Variants in GSTCD observed in about 807,000 individuals in gnomAD.
GSTCD encodes glutathione S-transferase C-terminal domain containing.
A neutral mutation model predicts 68.3 loss-of-function variants in GSTCD; 44 were observed. The ratio of observed to expected loss-of-function variants is 0.64; its 90% CI spans 0.51 to 0.83. The LOEUF (loss-of-function observed/expected upper bound fraction) is 0.83. GSTCD is among the 40% of genes least tolerant of loss of function. GSTCD has a pLI of 0.00. For synonymous variants in GSTCD, 273 were observed against 255.2 expected (o/e 1.07, Z -0.67); for missense variants, 739 against 735.9 (o/e 1.00, Z -0.05).
intron 5 of GSTCD, among the ~76,000 whole-genome samples, chr4:105,781,836 G>T (rs1415676028): frequency 6.7e-6 from 1 of 149,626 alleles, no homozygotes; most frequent in East Asian, 1.9e-4. Context: ...ATGCGGGTTT[G>T]GATGAAGCAC....
At chr4:105,758,369 G>A (rs899437027) in intron 5 of GSTCD, among the ~76,000 whole-genome samples, 3 of 152,158 alleles carry the variant, frequency 2.0e-5, no homozygotes, top group Admixed American at 6.5e-5. Flanking sequence ...GGTGGGAGGC[G>A]TTTGGGTCAT....
intron 5 of GSTCD, among the ~76,000 whole-genome samples, chr4:105,734,562 T>C (rs150242701): frequency 0.054 from 8,173 of 152,284 alleles, 251 homozygotes; most frequent in Middle Eastern, 0.14. Flanking sequence ...ACTTCTCTAC[T>C]CTGGTTATTC....
At chr4:105,760,130 T>G (rs1377054809) in intron 5 of GSTCD, among the ~76,000 whole-genome samples, 3 of 142,782 alleles carry the variant, frequency 2.1e-5, no homozygotes, top group Non-Finnish European at 4.5e-5. Context: ...GTTAATGACA[T>G]GAACATTTGG....
intron 5 of GSTCD, among the ~76,000 whole-genome samples, chr4:105,735,336 C>T (rs966565593): frequency 5.9e-5 from 9 of 152,182 alleles, no homozygotes; most frequent in Non-Finnish European, 4.4e-5. Flanking sequence ...GTTCAAGCTT[C>T]CAGGCCGCTT....
intron 5 of GSTCD, among the ~76,000 whole-genome samples, chr4:105,801,604 A>G (rs1224329827): frequency 6.6e-6 from 1 of 152,038 alleles, no homozygotes; most frequent in African/African-American, 2.4e-5. Context: ...ATTATGGGTA[A>G]CATGACTTCT....
intron 5 of GSTCD, among the ~76,000 whole-genome samples, chr4:105,815,507 T>A (rs534830579): frequency 6.6e-6 from 1 of 152,180 alleles, no homozygotes; most frequent in East Asian, 1.9e-4. Flanking sequence ...ATAAAATATA[T>A]GACAAAAAAA....
intron 5 of GSTCD, among the ~76,000 whole-genome samples, chr4:105,813,602 G>T (rs778639033): frequency 6.6e-6 from 1 of 152,020 alleles, no homozygotes; most frequent in Admixed American, 6.6e-5. Flanking sequence ...AATACTTCTG[G>T]TCCCAAGCAT....
chr4:105,794,636 T>C (rs1441376911), intron 5 of GSTCD, among the ~76,000 whole-genome samples: 4 of 151,810 alleles, frequency 2.6e-5, no homozygotes, highest in Non-Finnish European at 4.4e-5. Flanking sequence ...GTTTTTTTTT[T>C]CTGAACTGCC....
Position 105,726,705 on chromosome 4 carries a change from C to T in GSTCD, c.1021C>T (p.His341Tyr), listed in dbSNP as rs768135705. ...TTCTAAGTGTGGGATCCAATTTCTCCATTTACCAAAGTTGTTGACAACCTC... is the reference window on the plus strand; with the variant it reads ...TTCTAAGTGTGGGATCCAATTTCTCTATTTACCAAAGTTGTTGACAACCTC... Reference protein sequence around the residue: ...AASKCGIQFLHLPKLLTTSTE... With the variant: ...AASKCGIQFLYLPKLLTTSTE... Residue 341 changes from histidine to tyrosine, a missense_variant, in exon 4 of 12, where the codon CAT becomes TAT. Physicochemically the swap from His to Tyr is moderately conservative, Grantham distance 83. Transcript: ENST00000515279. 1 of 1,613,882 alleles carries T rather than the reference C, an allele frequency of 6.2e-7. No homozygotes were observed.
intron 9 of GSTCD, among the ~76,000 whole-genome samples, chr4:105,836,782 G>T (rs1353916888): frequency 1.3e-5 from 2 of 152,154 alleles, no homozygotes; most frequent in East Asian, 3.8e-4. Context: ...TAGATTTACT[G>T]ACATTTGTCC....
At chr4:105,777,102 G>A (rs992617617) in intron 5 of GSTCD, among the ~76,000 whole-genome samples, 1 of 152,182 alleles carries the variant, frequency 6.6e-6, no homozygotes, top group African/African-American at 2.4e-5. Context: ...TGGGAGTTTT[G>A]TGAGTTACCA....
chr4:105,787,560 G>A (rs1214351727), intron 5 of GSTCD, among the ~76,000 whole-genome samples: 2 of 152,046 alleles, frequency 1.3e-5, no homozygotes, highest in Non-Finnish European at 2.9e-5. Context: ...AGCTTAGAGA[G>A]TGGAGTTATG....
chr4:105,766,173 A>G (rs1319673716), intron 5 of GSTCD, among the ~76,000 whole-genome samples: 1 of 152,198 alleles, frequency 6.6e-6, no homozygotes, highest in Non-Finnish European at 1.5e-5. Context: ...CTCATCCCAG[A>G]GAATGGTAAC....
At chr4:105,834,884 A>G (rs1183004703) in intron 9 of GSTCD, among the ~76,000 whole-genome samples, 3 of 152,224 alleles carry the variant, frequency 2.0e-5, no homozygotes, top group African/African-American at 4.8e-5. Context: ...AATAAATTTA[A>G]AACTGTAACC....
intron 5 of GSTCD, among the ~76,000 whole-genome samples, chr4:105,787,637 A>C (rs953188314): frequency 6.6e-6 from 1 of 152,012 alleles, no homozygotes; most frequent in African/African-American, 2.4e-5. Context: ...CCGTTCTTCA[A>C]ATATTCTCAG....
chr4:105,729,918 G>A (rs567892476), intron 5 of GSTCD, among the ~76,000 whole-genome samples: 29 of 151,580 alleles, frequency 1.9e-4, no homozygotes, highest in Admixed American at 2.6e-4. Flanking sequence ...AACAGGCCCC[G>A]GTGTGTGATG....
chr4:105,773,358 C>T (rs1278168973), intron 5 of GSTCD, among the ~76,000 whole-genome samples: 5 of 151,796 alleles, frequency 3.3e-5, no homozygotes, highest in African/African-American at 1.2e-4. Flanking sequence ...CTCTGTCTCC[C>T]TCAGTTCTGC....
chr4:105,787,803 T>C (rs948186780), intron 5 of GSTCD, among the ~76,000 whole-genome samples: 5 of 152,094 alleles, frequency 3.3e-5, no homozygotes, highest in African/African-American at 1.2e-4. Context: ...TTTATACTTT[T>C]GTTTGCAAAC....
intron 5 of GSTCD, among the ~76,000 whole-genome samples, chr4:105,764,439 A>G (rs1734530556): frequency 6.6e-6 from 1 of 152,242 alleles, no homozygotes; most frequent in Non-Finnish European, 1.5e-5. Flanking sequence ...CTGCCATAAC[A>G]AAAGACCACA....
Sources: allele counts gnomAD v4.1 joint callset (sites outside exome capture counted in the v4.1 genomes callset), GRCh38; gene constraint gnomAD v4.1.1; transcripts MANE v1.5; gene names NCBI Gene and HGNC (gene_info 2026-07-23, HGNC 2026-07-21).